TBC1D12: variants seen among roughly 807,000 people sequenced by gnomAD.
TBC1D12 encodes the protein TBC1 domain family member 12, also known as TBC1 domain family, member 12.
In TBC1D12, 56 loss-of-function variants were observed where a neutral mutation model predicts 86.7. The ratio of observed to expected loss-of-function variants is 0.65; its 90% CI spans 0.52 to 0.81. The LOEUF (loss-of-function observed/expected upper bound fraction) is 0.81, where lower values mean the gene tolerates loss of function less well. Among genes scored for constraint, TBC1D12 ranks in the 30% least tolerant of loss-of-function variants. The pLI, the probability that TBC1D12 is intolerant of heterozygous loss-of-function variation, is 0.00. For synonymous variants in TBC1D12, 421 were observed against 411.7 expected (o/e 1.02, Z -0.27); for missense variants, 1,023 against 1,038.8 (o/e 0.98, Z 0.21).
rs760270939 is a variant in TBC1D12 at position 94,522,088 on chromosome 10, G to A, written c.1890+5G>A. ...TTTCGTGTGGATCACAGCATGGTAT[G>A]AATGGATCATGTTTTCCATTGTTTC... On this transcript the variant is annotated splice_donor_5th_base_variant and intron_variant, in intron 10 of 12. Transcript: ENST00000225235. The A allele has an allele frequency of 6.2e-7, 1 of 1,608,792 alleles. No individual in the cohort carries two copies. The highest frequency in any genetic ancestry group is 8.5e-7 in the Non-Finnish European group (1 of 1,176,642).
rs563008495 is a variant in TBC1D12 at position 94,476,921 on chromosome 10, G to C, written c.1211+2138G>C. Among the ~76,000 whole-genome samples the C allele has an allele frequency of 3.9e-5, 6 of 152,070 alleles. No homozygotes were observed. In the South Asian group the frequency reaches 1.2e-3, roughly 32 times the overall value. ...GCTTTATCTTTTCTATCAAGTCTTT[G>C]GTGATTTCTTCAGCCTTCCGTTGTA... is the stretch of plus-strand genomic sequence containing the variant. On this transcript the variant is annotated intron_variant, in intron 3 of 12. Coordinates refer to ENST00000225235, the MANE Select transcript of TBC1D12 (RefSeq NM_015188.2).
chr10:94,529,728 G>A (rs1842378696), intron 11 of TBC1D12, among the ~76,000 whole-genome samples: 2 of 152,088 alleles, frequency 1.3e-5, no homozygotes, highest in Admixed American at 1.3e-4. Flanking sequence ...TTATGGGACT[G>A]AGATCCAAGT....
chr10:94,441,761 TG>T, intron 1 of TBC1D12, 134 bp from the exon 2 acceptor site: 1 of 764,972 alleles, frequency 1.3e-6, no homozygotes, highest in Non-Finnish European at 2.0e-6. Context: ...TAAGTAATAG[TG>T]GTATAAGTAG....
chr10:94,533,908 T>C lies in TBC1D12; in HGVS notation c.*812T>C, dbSNP rs1218609864. 3 of 152,176 alleles carry C rather than the reference T, an allele frequency of 2.0e-5. No homozygotes were observed. Among genetic ancestry groups the C allele is most frequent in the African/African-American group, 7.2e-5 (3 of 41,452 alleles). 9.4% of individuals were successfully genotyped at this position (152,176 alleles called of 1,614,324 possible). On this transcript the variant is annotated 3_prime_UTR_variant, in exon 13 of 13. Coordinates refer to ENST00000225235, the MANE Select transcript of TBC1D12 (RefSeq NM_015188.2). ...CTTTGAGAGTAAGTCCAAAAACATA[T>C]ATGATGTTTCTCAGTGATAAGAGTA...
At chr10:94,411,525 C>T (rs1279147339) in intron 1 of TBC1D12, among the ~76,000 whole-genome samples, 2 of 152,010 alleles carry the variant, frequency 1.3e-5, no homozygotes, top group African/African-American at 2.4e-5. Context: ...GAGTTCCAGC[C>T]TGGGCAGCAT....
At chr10:94,442,079 C>T (rs918836531) in intron 2 of TBC1D12, 60 bp downstream of exon 2, 10 of 1,317,294 alleles carry the variant, frequency 7.6e-6, no homozygotes, top group East Asian at 2.9e-5. Flanking sequence ...TCTTCTTCTT[C>T]TTCTTTTTTT....
At chr10:94,463,910 T>C (rs2055768747) in intron 2 of TBC1D12, among the ~76,000 whole-genome samples, 1 of 152,220 alleles carries the variant, frequency 6.6e-6, no homozygotes. Context: ...TGTACTTGGT[T>C]ATTTCTCCTT....
At chr10:94,403,631 C>T in intron 1 of TBC1D12, 47 bp downstream of exon 1, 1 of 1,405,022 alleles carries the variant, frequency 7.1e-7, no homozygotes, top group Non-Finnish European at 9.2e-7. Flanking sequence ...GGGGCCGGGG[C>T]CGGAGCCGGG....
intron 9 of TBC1D12, among the ~76,000 whole-genome samples, chr10:94,513,529 G>T (rs544757384): frequency 3.4e-4 from 51 of 152,100 alleles, no homozygotes; most frequent in African/African-American, 1.2e-3. Flanking sequence ...TTACATTTTT[G>T]CTTTTTCTCT....
chr10:94,468,480 A>AT (rs369963725), intron 2 of TBC1D12, among the ~76,000 whole-genome samples: 37 of 149,948 alleles, frequency 2.5e-4, no homozygotes, highest in Admixed American at 6.0e-4. Flanking sequence ...TTCCCTCTCC[A>AT]TTTTTTTTTC....
chr10:94,430,026 G>A (rs762917835), intron 1 of TBC1D12, among the ~76,000 whole-genome samples: 8 of 152,098 alleles, frequency 5.3e-5, no homozygotes, highest in African/African-American at 1.2e-4. Flanking sequence ...GTGAGTCACC[G>A]CACCCAGCCG....
At chr10:94,484,088 TC>T (rs769055688) in intron 3 of TBC1D12, among the ~76,000 whole-genome samples, 25 of 152,246 alleles carry the variant, frequency 1.6e-4, no homozygotes, top group Non-Finnish European at 3.2e-4. Context: ...TGACAGATTA[TC>T]AGTAGATATA....
chr10:94,475,141 C>T lies in TBC1D12; in HGVS notation c.1211+358C>T, dbSNP rs114294161. On this transcript the variant is annotated intron_variant, in intron 3 of 12. Transcript: ENST00000225235. ...CTAGAGGTCTCTGTGAGTTAATATA[C>T]GAAACATAATAAAGTATTGGCTCTT... Among the ~76,000 whole-genome samples, 461 of 152,224 alleles carry T rather than the reference C, an allele frequency of 3.0e-3. 3 individuals are homozygous for T. The highest frequency in any genetic ancestry group is 0.01 in the African/African-American group (432 of 41,540).
At chr10:94,404,371 C>A (rs2054821595) in intron 1 of TBC1D12, among the ~76,000 whole-genome samples, 1 of 151,982 alleles carries the variant, frequency 6.6e-6, no homozygotes, top group African/African-American at 2.4e-5. Flanking sequence ...ATGGGCCGGG[C>A]GCGGTGGCTC....
intron 9 of TBC1D12, among the ~76,000 whole-genome samples, chr10:94,519,936 A>G (rs767606361): frequency 2.0e-5 from 3 of 152,180 alleles, no homozygotes; most frequent in East Asian, 3.8e-4. Flanking sequence ...CAACATATTC[A>G]TAGCTTCTGG....
In TBC1D12 at chr10:94,454,994, A is replaced by T. The variant is rs541877644; in HGVS notation, c.1095+12975A>T. On this transcript the variant is annotated intron_variant, in intron 2 of 12. Coordinates refer to ENST00000225235, the MANE Select transcript of TBC1D12 (RefSeq NM_015188.2). Reference sequence around the variant, plus strand: ...GACAGCTTCTAGTTTCTCACCATTAAGTATGATGTTAGCTATGGGTTTTTT... The same window carrying T: ...GACAGCTTCTAGTTTCTCACCATTATGTATGATGTTAGCTATGGGTTTTTT... Among the ~76,000 whole-genome samples the T allele has an allele frequency of 4.6e-5, 7 of 152,346 alleles. No homozygotes were observed. The East Asian group carries it at 1.2e-3, about 25-fold the overall frequency.
chr10:94,458,877 G>T (rs11812363), intron 2 of TBC1D12, among the ~76,000 whole-genome samples: 5,708 of 152,222 alleles, frequency 0.037, 376 homozygotes, highest in African/African-American at 0.13. Context: ...GACCTTTGCA[G>T]TGAGTGTTAC....
chr10:94,431,604 T>C (rs541930119), intron 1 of TBC1D12, among the ~76,000 whole-genome samples: 20 of 152,290 alleles, frequency 1.3e-4, no homozygotes, highest in Non-Finnish European at 2.8e-4. Context: ...AAACAAATGG[T>C]ACTTCAAAAT....
At chr10:94,491,132 A>G (rs12260069) in intron 3 of TBC1D12, among the ~76,000 whole-genome samples, 3,506 of 151,910 alleles carry the variant, frequency 0.023, 131 homozygotes, top group African/African-American at 0.077. Context: ...TGTGCTGCCC[A>G]GTGTCTGTTG....
Sources: allele counts gnomAD v4.1 joint callset (sites outside exome capture counted in the v4.1 genomes callset), GRCh38; gene constraint gnomAD v4.1.1; transcripts MANE v1.5; gene names NCBI Gene and HGNC (gene_info 2026-07-23, HGNC 2026-07-21).